CRLF3: variants seen among roughly 807,000 people sequenced by gnomAD.
CRLF3 encodes cytokine receptor-like factor 3.
In CRLF3, 33 loss-of-function variants were observed where a neutral mutation model predicts 55.0. The ratio of observed to expected loss-of-function variants is 0.60; its 90% CI spans 0.46 to 0.80. The LOEUF (loss-of-function observed/expected upper bound fraction) is 0.80. CRLF3 is among the 30% of genes least tolerant of loss of function. The pLI, the probability that CRLF3 is intolerant of heterozygous loss-of-function variation, is 0.00. For missense variants in CRLF3, 494 were observed against 538.4 expected (o/e 0.92, Z 0.82); for synonymous variants, 238 against 196.8 (o/e 1.21, Z -1.75).
At chr17:30,812,792 C>A (rs1461300114) in intron 1 of CRLF3, among the ~76,000 whole-genome samples, 1 of 152,022 alleles carries the variant, frequency 6.6e-6, no homozygotes, top group Non-Finnish European at 1.5e-5. Flanking sequence ...TCAACATCTG[C>A]TTTTTGGAGG....
At chr17:30,794,415 CAGG>C (rs1971872568) in intron 4 of CRLF3, among the ~76,000 whole-genome samples, 2 of 152,246 alleles carry the variant, frequency 1.3e-5, no homozygotes, top group South Asian at 4.1e-4. Context: ...AAGCGTTCTA[CAGG>C]AGAAGAAACA....
In CRLF3 at chr17:30,818,105, C is replaced by A. The variant is rs113175288; in HGVS notation, c.129+6418G>T. Among the ~76,000 whole-genome samples the A allele has an allele frequency of 6.6e-3, 994 of 151,588 alleles. 12 individuals carry two copies. The highest frequency in any genetic ancestry group is 0.014 in the Middle Eastern group (4 of 290). On this transcript the variant is annotated intron_variant, in intron 1 of 7. Coordinates refer to ENST00000324238, the MANE Select transcript of CRLF3 (RefSeq NM_015986.4). ...TGAAACCCCGTCTCTACTAAAAATA[C>A]AAAAATTAGCTGGGCGTGGTGGCGG...
chr17:30,791,444 TGATC>T lies in CRLF3; in HGVS notation c.959+992_959+995del, dbSNP rs1241045025. On this transcript the variant is annotated intron_variant, in intron 6 of 7. Coordinates refer to ENST00000324238, the MANE Select transcript of CRLF3 (RefSeq NM_015986.4). ...CTGGTCTCGAACTCCTGACCACAAG[TGATC>T]CAACCGCCTCGGCCTCCCAAAGTGC... Among the ~76,000 whole-genome samples, 94 of 152,128 alleles carry T rather than the reference TGATC, an allele frequency of 6.2e-4. 1 individual carries two copies. Among genetic ancestry groups the T allele is most frequent in the African/African-American group, 2.2e-3 (91 of 41,484 alleles).
Position 30,824,533 on chromosome 17 carries a change from G to T in CRLF3, c.119C>A (p.Ala40Glu). The T allele has an allele frequency of 6.3e-7, 1 of 1,590,602 alleles. No homozygotes were observed. Reference sequence around the variant, plus strand: ...GTGTGGCCCTCCGACCTGCCTCCGCGCCTCACGCAGCCCCTCAAGCCGGTG... The same window carrying T: ...GTGTGGCCCTCCGACCTGCCTCCGCTCCTCACGCAGCCCCTCAAGCCGGTG... ...LGHRLEGLRE[A>E]RRQIKESASQ... Residue 40 changes from alanine (A) to glutamate (E), a missense_variant, in exon 1 of 8, where the codon GCG becomes GAG. Transcript: ENST00000324238.
At chr17:30,819,096 C>T (rs146470007) in intron 1 of CRLF3, among the ~76,000 whole-genome samples, 6,512 of 152,138 alleles carry the variant, frequency 0.043, 361 homozygotes, top group African/African-American at 0.13. Context: ...GGATTACAGG[C>T]GTGAGCCACT....
rs1971948375 is a variant in CRLF3, at chr17:30,797,977, A to G, written c.338-579T>C. Among the ~76,000 whole-genome samples the G allele has an allele frequency of 4.5e-5, 5 of 111,240 alleles. No individual in the cohort carries two copies. The South Asian group carries it at 1.8e-3, about 40-fold the overall frequency. 73.0% of individuals were successfully genotyped at this position (111,240 alleles called of 152,430 possible). A position where few individuals can be genotyped will look rare whatever the true frequency, so the allele number is the denominator to read the frequency against. ...TTTTTTTTGGTAGAGATGAGGTCTC[A>G]CTATGTTGCCCAGGCTGGGCATAAG... On this transcript the variant is annotated intron_variant, in intron 2 of 7. Transcript: ENST00000324238.
At chr17:30,816,486 TTC>T (rs967265209) in intron 1 of CRLF3, among the ~76,000 whole-genome samples, 5 of 147,896 alleles carry the variant, frequency 3.4e-5, no homozygotes, top group African/African-American at 1.0e-4. Context: ...TCTTCTTTCT[TTC>T]TTTTTTTTTT....
chr17:30,799,546 T>A (rs1035195631), intron 2 of CRLF3, among the ~76,000 whole-genome samples: 1 of 151,510 alleles, frequency 6.6e-6, no homozygotes, highest in Non-Finnish European at 1.5e-5. Context: ...TTTTTTTTTT[T>A]GAGATGGAGT....
Position 30,802,063 on chromosome 17 carries a change from T to C in CRLF3, c.337+1838A>G, listed in dbSNP as rs1393811440. Among the ~76,000 whole-genome samples, 4 of 152,070 alleles carry C rather than the reference T, an allele frequency of 2.6e-5. No individual in the cohort carries two copies. The South Asian group carries it at 6.2e-4, about 24-fold the overall frequency. ...ATGCTCCAATAAGGTCTTGATCTCT[T>C]AGCATGTATCTCTCTCTCACTGGGC... On this transcript the variant is annotated intron_variant, in intron 2 of 7. Coordinates refer to ENST00000324238, the MANE Select transcript of CRLF3 (RefSeq NM_015986.4).
intron 1 of CRLF3, among the ~76,000 whole-genome samples, chr17:30,817,950 T>C (rs116325628): frequency 0.031 from 4,336 of 138,528 alleles, 212 homozygotes; most frequent in African/African-American, 0.11. Flanking sequence ...TGTCTGTAAG[T>C]AGTAGGTTAT....
intron 1 of CRLF3, among the ~76,000 whole-genome samples, chr17:30,817,978 T>G (rs1368583315): frequency 2.0e-5 from 3 of 149,322 alleles, no homozygotes; most frequent in Non-Finnish European, 4.5e-5. Flanking sequence ...CTATTTCATC[T>G]GGGCTGAGTG....
At chr17:30,813,158 T>C (rs1475331033) in intron 1 of CRLF3, among the ~76,000 whole-genome samples, 1 of 152,140 alleles carries the variant, frequency 6.6e-6, no homozygotes, top group Non-Finnish European at 1.5e-5. Context: ...TATAAAAAAA[T>C]ACACGCTTAA....
At chr17:30,787,722 G>C (rs1172479055) in intron 6 of CRLF3, 1 of 152,256 alleles carries the variant, frequency 6.6e-6, no homozygotes, top group South Asian at 2.1e-4. Context: ...AGGAGGGGCC[G>C]GGCATAGTGG....
intron 1 of CRLF3, among the ~76,000 whole-genome samples, chr17:30,821,606 T>C (rs1287459460): frequency 2.6e-5 from 4 of 152,180 alleles, no homozygotes; most frequent in African/African-American, 7.2e-5. Flanking sequence ...ATAAAAAGGT[T>C]TGAAGTACTG....
chr17:30,797,279 A>G (rs1383312079), intron 3 of CRLF3, 32 bp downstream of exon 3: 2 of 1,478,150 alleles, frequency 1.4e-6, no homozygotes, highest in African/African-American at 2.8e-5. Flanking sequence ...TAAATGCTTA[A>G]AAGTAAGTCA....
intron 1 of CRLF3, among the ~76,000 whole-genome samples, chr17:30,814,592 GGT>G (rs1904725935): frequency 6.6e-6 from 1 of 151,758 alleles, no homozygotes; most frequent in South Asian, 2.1e-4. Flanking sequence ...GGGAGGCAGA[GGT>G]TACGCTGAGC....
Position 30,824,628 on chromosome 17 carries a change from C to A in CRLF3, c.24G>T (p.Glu8Asp), listed in dbSNP as rs148454306. Reference sequence around the variant, plus strand: ...GGGCCTCCTGCAACAGCAGCTCAGGCTCCAGCTCCATCGCCCCCCTCATCT... The same window carrying A: ...GGGCCTCCTGCAACAGCAGCTCAGGATCCAGCTCCATCGCCCCCCTCATCT... Reference protein sequence around the residue: MRGAMELEPELLLQEARE... With the variant: MRGAMELDPELLLQEARE... The change falls in exon 1 of 8, where the codon GAG becomes GAT. Residue 8 changes from glutamate (E) to aspartate (D), a missense_variant. Glu to Asp is a conservative substitution (Grantham distance 45, BLOSUM62 2). Transcript: ENST00000324238. 79 of 1,602,058 alleles carry A rather than the reference C, an allele frequency of 4.9e-5. No individual in the cohort carries two copies. In the South Asian group the frequency reaches 6.5e-4, roughly 13 times the overall value.
At chr17:30,794,901 C>T (rs1235958581) in intron 4 of CRLF3, among the ~76,000 whole-genome samples, 2 of 152,192 alleles carry the variant, frequency 1.3e-5, no homozygotes, top group Non-Finnish European at 2.9e-5. Flanking sequence ...AACTCATATA[C>T]TCCTTGGAAG....
chr17:30,795,931 T>G (rs1971910009), intron 4 of CRLF3, among the ~76,000 whole-genome samples: 1 of 152,012 alleles, frequency 6.6e-6, no homozygotes, highest in Non-Finnish European at 1.5e-5. Flanking sequence ...CACTCCAGCC[T>G]CGGTGAAAGA....
Sources: allele counts gnomAD v4.1 joint callset (sites outside exome capture counted in the v4.1 genomes callset), GRCh38; gene constraint gnomAD v4.1.1; transcripts MANE v1.5; gene names NCBI Gene and HGNC (gene_info 2026-07-23, HGNC 2026-07-21).